The following VAT1L variants were observed in gnomAD, a reference collection of about 807,000 sequenced individuals.
The protein encoded by VAT1L is putative NADPH-dependent quinone oxidoreductase VAT1L.
In VAT1L, 34 loss-of-function variants were observed where a neutral mutation model predicts 44.1. The ratio of observed to expected loss-of-function variants is 0.77; its 90% CI spans 0.59 to 1.03. The LOEUF (loss-of-function observed/expected upper bound fraction) is 1.03. Among genes scored for constraint, VAT1L ranks in the 50% least tolerant of loss-of-function variants. VAT1L has a pLI of 0.00. For synonymous variants in VAT1L, 253 were observed against 202.2 expected (o/e 1.25, Z -2.13); for missense variants, 615 against 538.8 (o/e 1.14, Z -1.40).
At chr16:77,883,856 C>G (rs1210597396) in intron 6 of VAT1L, among the ~76,000 whole-genome samples, 4 of 152,142 alleles carry the variant, frequency 2.6e-5, no homozygotes, top group Non-Finnish European at 5.9e-5. Context: ...CTTCTGCAGT[C>G]AGAGTGGCCA....
At chr16:77,908,093 GC>G (rs764068245) in intron 7 of VAT1L, among the ~76,000 whole-genome samples, 7 of 151,982 alleles carry the variant, frequency 4.6e-5, no homozygotes, top group African/African-American at 9.7e-5. Context: ...ACAAAAATCA[GC>G]CGGGTGTGGT....
At chr16:77,972,406 C>G (rs1017220660) in intron 8 of VAT1L, among the ~76,000 whole-genome samples, 1 of 152,190 alleles carries the variant, frequency 6.6e-6, no homozygotes, top group Non-Finnish European at 1.5e-5. Flanking sequence ...GCAGCCCCCG[C>G]CTCCTGACTG....
At chr16:77,943,327 G>A (rs865852105) in intron 7 of VAT1L, among the ~76,000 whole-genome samples, 4 of 151,296 alleles carry the variant, frequency 2.6e-5, no homozygotes, top group South Asian at 2.1e-4. Context: ...AAAGTGCTGC[G>A]ATTACAGATT....
At chr16:77,798,041 G>C (rs1006667311) in intron 1 of VAT1L, among the ~76,000 whole-genome samples, 8 of 152,148 alleles carry the variant, frequency 5.3e-5, no homozygotes, top group Admixed American at 2.6e-4. Flanking sequence ...GTCAGCATCT[G>C]TCCTCAGTCT....
chr16:77,942,955 G>C lies in VAT1L; in HGVS notation c.1078-28895G>C, dbSNP rs559580143. ...AGACAGAGTTTCATCATGTTGTTCA[G>C]GCTGGTTTCAAACTCCTGATCTCAG... On this transcript the variant is annotated intron_variant, in intron 7 of 8. Transcript: ENST00000302536. 2.6e-5 allele frequency among the ~76,000 whole-genome samples: 4 copies of C among 151,686 alleles called. No individual in the cohort carries two copies. The South Asian group carries it at 8.3e-4, about 32-fold the overall frequency.
intron 3 of VAT1L, among the ~76,000 whole-genome samples, chr16:77,846,213 C>G (rs1177261934): frequency 6.6e-6 from 1 of 152,156 alleles, no homozygotes; most frequent in African/African-American, 2.4e-5. Flanking sequence ...AACATGTGAG[C>G]TACATGTAGA....
chr16:77,884,869 A>G lies in VAT1L; in HGVS notation c.1077+67A>G. On this transcript the variant is annotated intron_variant, in intron 7 of 8. Transcript: ENST00000302536. This position sits in a 1 kb window ranked among gnomAD's most constrained non-coding sequence, Gnocchi z 4.5. ...TAACTCAGGAAGGTTTGGGCAGCCA[A>G]ATACAATCTTCTACTAAATGATTTT... 7.1e-7 allele frequency: 1 copy of G among 1,403,538 alleles called. No homozygotes were observed. 86.9% of individuals were successfully genotyped at this position (1,403,538 alleles called of 1,614,324 possible).
chr16:77,941,150 T>C (rs1011345735), intron 7 of VAT1L, among the ~76,000 whole-genome samples: 4 of 152,196 alleles, frequency 2.6e-5, no homozygotes, highest in African/African-American at 7.2e-5. Context: ...TCAGTTAATA[T>C]GTTTCTTGTA....
chr16:77,946,729 C>G (rs2017971966), intron 7 of VAT1L, among the ~76,000 whole-genome samples: 1 of 152,214 alleles, frequency 6.6e-6, no homozygotes, highest in Non-Finnish European at 1.5e-5. Flanking sequence ...GAATTGCCAC[C>G]TACCTCCCCA....
At chr16:77,838,569 G>T (rs2145257266) in intron 3 of VAT1L, among the ~76,000 whole-genome samples, 1 of 152,136 alleles carries the variant, frequency 6.6e-6, no homozygotes, top group African/African-American at 2.4e-5. Flanking sequence ...TTAAATTTGA[G>T]CACTCCCTGC....
chr16:77,823,971 T>C (rs1442974005), intron 2 of VAT1L, among the ~76,000 whole-genome samples: 1 of 151,996 alleles, frequency 6.6e-6, no homozygotes, highest in Non-Finnish European at 1.5e-5. Context: ...TGCATTGAGC[T>C]GAGATCGTGC....
chr16:77,952,902 G>A (rs1470504695), intron 7 of VAT1L, among the ~76,000 whole-genome samples: 1 of 142,620 alleles, frequency 7.0e-6, no homozygotes, highest in Non-Finnish European at 1.5e-5. Flanking sequence ...TTGTGTTGGA[G>A]AGTGTCCCCC....
At chr16:77,802,623 C>CACACACACACACACACAA (rs2016082438) in intron 1 of VAT1L, among the ~76,000 whole-genome samples, 1 of 38,290 alleles carries the variant, frequency 2.6e-5, no homozygotes, top group Non-Finnish European at 4.8e-5. Flanking sequence ...CAAACACACA[C>CACACACACACACACACAA]ACACACACAC....
At chr16:77,858,848 T>A (rs1247633387) in intron 3 of VAT1L, among the ~76,000 whole-genome samples, 2 of 152,012 alleles carry the variant, frequency 1.3e-5, no homozygotes, top group African/African-American at 4.8e-5. Flanking sequence ...AAAAAAATTT[T>A]AAAAAGGCTG....
intron 7 of VAT1L, among the ~76,000 whole-genome samples, chr16:77,934,957 CTTGAAAAGGGA>C (rs1215356583): frequency 6.6e-6 from 1 of 152,022 alleles, no homozygotes; most frequent in Non-Finnish European, 1.5e-5. Flanking sequence ...GTCATTTTAC[CTTGAAAAGGGA>C]CCCTAGTCTA....
intron 7 of VAT1L, among the ~76,000 whole-genome samples, chr16:77,949,151 A>AG (rs1422711537): frequency 6.6e-6 from 1 of 152,210 alleles, no homozygotes; most frequent in African/African-American, 2.4e-5. Flanking sequence ...AGAATACTGT[A>AG]GGGAGATGAT....
intron 7 of VAT1L, among the ~76,000 whole-genome samples, chr16:77,912,650 CAT>C (rs1258866495): frequency 6.6e-6 from 1 of 152,178 alleles, no homozygotes; most frequent in Non-Finnish European, 1.5e-5. Flanking sequence ...GCAAGGCAAA[CAT>C]GTTGCTATTT....
chr16:77,830,576 C>T (rs2016568362), intron 3 of VAT1L, among the ~76,000 whole-genome samples: 1 of 152,222 alleles, frequency 6.6e-6, no homozygotes, highest in African/African-American at 2.4e-5. Context: ...TTCACCTGCA[C>T]AAGCTCTCTT....
intron 1 of VAT1L, among the ~76,000 whole-genome samples, chr16:77,816,644 T>C (rs2016360050): frequency 6.6e-6 from 1 of 152,170 alleles, no homozygotes; most frequent in Non-Finnish European, 1.5e-5. Context: ...AAAGGGGCCA[T>C]CTCTTGAATC....
Sources: allele counts gnomAD v4.1 joint callset (sites outside exome capture counted in the v4.1 genomes callset), GRCh38; gene constraint gnomAD v4.1.1; non-coding constraint Gnocchi (gnomAD v3.1); transcripts MANE v1.5; gene names NCBI Gene and HGNC (gene_info 2026-07-23, HGNC 2026-07-21).